C8orf34: variants seen among roughly 807,000 people sequenced by gnomAD.
C8orf34 encodes chromosome 8 open reading frame 34.
In C8orf34, 65 loss-of-function variants were observed where a neutral mutation model predicts 68.3. The ratio of observed to expected loss-of-function variants is 0.95; its 90% CI spans 0.78 to 1.17. The LOEUF (loss-of-function observed/expected upper bound fraction) is 1.17, where lower values mean the gene tolerates loss of function less well. Among genes scored for constraint, C8orf34 ranks in the 50% most tolerant of loss-of-function variants. C8orf34 has a pLI of 0.00. For missense variants in C8orf34, 664 were observed against 655.4 expected, an observed-to-expected ratio of 1.01 and a Z score of -0.14; for synonymous variants, 244 against 241.2, an observed-to-expected ratio of 1.01 and a Z score of -0.11.
chr8:68,435,208 A>G, intron 1 of C8orf34, among the ~76,000 whole-genome samples: 1 of 149,436 alleles, frequency 6.7e-6, no homozygotes, highest in South Asian at 2.1e-4. Flanking sequence ...ATATAAATAT[A>G]TGATATATAA....
intron 10 of C8orf34, among the ~76,000 whole-genome samples, chr8:68,737,565 G>A (rs1215776068): frequency 6.6e-6 from 1 of 151,788 alleles, no homozygotes; most frequent in Non-Finnish European, 1.5e-5. Flanking sequence ...CAAAATAAAG[G>A]CATGGAGAAA....
At chr8:68,388,209 C>T (rs1488837248) in intron 1 of C8orf34, among the ~76,000 whole-genome samples, 1 of 152,152 alleles carries the variant, frequency 6.6e-6, no homozygotes, top group Non-Finnish European at 1.5e-5. Context: ...AAATATTCTT[C>T]ACAAAGCCTG....
chr8:68,344,030 G>C (rs1375792433), intron 1 of C8orf34, among the ~76,000 whole-genome samples: 3 of 152,102 alleles, frequency 2.0e-5, no homozygotes, highest in African/African-American at 7.2e-5. Flanking sequence ...GTTTAAAGTA[G>C]ATATGCAACT....
At chr8:68,511,591 C>T (rs1327010965) in intron 5 of C8orf34, among the ~76,000 whole-genome samples, 7 of 151,908 alleles carry the variant, frequency 4.6e-5, no homozygotes, top group Non-Finnish European at 1.5e-5. Flanking sequence ...AAACTAGAGG[C>T]AAGGGGCGAA....
chr8:68,476,142 G>A (rs558334887), intron 4 of C8orf34, among the ~76,000 whole-genome samples: 1 of 152,192 alleles, frequency 6.6e-6, no homozygotes, highest in African/African-American at 2.4e-5. Context: ...GCAATTACTT[G>A]TTCATTCATT....
At chr8:68,441,080 A>T (rs2129626013) in intron 2 of C8orf34, among the ~76,000 whole-genome samples, 1 of 152,280 alleles carries the variant, frequency 6.6e-6, no homozygotes, top group African/African-American at 2.4e-5. Flanking sequence ...CTGGGATTAC[A>T]GGCATGAGCC....
intron 3 of C8orf34, chr8:68,446,809 A>G (rs1811144055): frequency 3.6e-6 from 1 of 277,540 alleles, no homozygotes; most frequent in Middle Eastern, 1.0e-3. Flanking sequence ...GTAAAAGCAA[A>G]TTAAATCTCT....
In C8orf34 at chr8:68,767,286, A is replaced by G. The variant is rs529877079; in HGVS notation, c.1405-9113A>G. 1.2e-4 allele frequency among the ~76,000 whole-genome samples: 19 copies of G among 152,332 alleles called. No homozygotes were observed. The East Asian group carries it at 3.7e-3, about 29-fold the overall frequency. ...ACAACCTCTACTTCCCACTGCAAAT[A>G]AAAACTATTCTTTTACAGAAATAAA... On this transcript the variant is annotated intron_variant, in intron 10 of 13. Coordinates refer to ENST00000518698, the MANE Select transcript of C8orf34 (RefSeq NM_052958.4).
intron 1 of C8orf34, among the ~76,000 whole-genome samples, chr8:68,402,061 A>G (rs889962153): frequency 2.6e-5 from 4 of 151,944 alleles, no homozygotes; most frequent in African/African-American, 4.8e-5. Context: ...TTGTTGTGGG[A>G]GATTTTTATT....
intron 7 of C8orf34, among the ~76,000 whole-genome samples, chr8:68,565,147 G>A (rs1816546866): frequency 6.6e-6 from 1 of 152,080 alleles, no homozygotes; most frequent in Non-Finnish European, 1.5e-5. Context: ...TTTATATCAT[G>A]TCTAACCCCT....
intron 4 of C8orf34, among the ~76,000 whole-genome samples, chr8:68,484,903 A>T (rs1428449319): frequency 6.6e-6 from 1 of 152,262 alleles, no homozygotes; most frequent in Non-Finnish European, 1.5e-5. Context: ...TTCTCAGGCA[A>T]AGTCATCAAA....
intron 6 of C8orf34, among the ~76,000 whole-genome samples, chr8:68,522,672 A>AT (rs531020622): frequency 3.2e-4 from 49 of 151,558 alleles, no homozygotes; most frequent in African/African-American, 4.8e-4. Context: ...ATTCAGAGTA[A>AT]TTTTTTTTTG....
Position 68,564,494 on chromosome 8 carries a change from C to G in C8orf34, c.1105+31345C>G, listed in dbSNP as rs1327653650. ...TATAATGAAGAACTGGATATTGCAC[C>G]CTTTTTGCATAAACTTCTTTGCTCC... On this transcript the variant is annotated intron_variant, in intron 7 of 13. Transcript: ENST00000518698. 5.3e-5 allele frequency among the ~76,000 whole-genome samples: 8 copies of G among 152,238 alleles called. No individual in the cohort carries two copies. The East Asian group carries it at 7.7e-4, about 15-fold the overall frequency.
At chr8:68,534,051 G>T (rs1432162089) in intron 7 of C8orf34, 1 of 983,140 alleles carries the variant, frequency 1.0e-6, no homozygotes, top group Non-Finnish European at 1.2e-6. Flanking sequence ...ATTTTCTGAA[G>T]TTTTTGTTAA....
intron 7 of C8orf34, among the ~76,000 whole-genome samples, chr8:68,565,105 CT>C (rs1297939352): frequency 6.6e-6 from 1 of 152,254 alleles, no homozygotes; most frequent in East Asian, 1.9e-4. Flanking sequence ...TCCTTAAGTT[CT>C]TTTTGAGTTT....
At chr8:68,466,972 T>C (rs1322795092) in intron 3 of C8orf34, among the ~76,000 whole-genome samples, 1 of 151,804 alleles carries the variant, frequency 6.6e-6, no homozygotes, top group African/African-American at 2.4e-5. Flanking sequence ...AACATAATGG[T>C]ACATGGTTTA....
chr8:68,387,363 G>A (rs375098557), intron 1 of C8orf34, among the ~76,000 whole-genome samples: 5 of 152,122 alleles, frequency 3.3e-5, no homozygotes, highest in East Asian at 1.9e-4. Flanking sequence ...GAGAAATGAT[G>A]ATGACCTAAC....
chr8:68,805,178 A>G (rs768947748), intron 12 of C8orf34, among the ~76,000 whole-genome samples: 1 of 152,232 alleles, frequency 6.6e-6, no homozygotes, highest in Non-Finnish European at 1.5e-5. Context: ...TTTTGTTGAA[A>G]GAACAAGCTC....
At chr8:68,396,363 A>T (rs896652286) in intron 1 of C8orf34, among the ~76,000 whole-genome samples, 2 of 152,166 alleles carry the variant, frequency 1.3e-5, no homozygotes, top group Non-Finnish European at 2.9e-5. Flanking sequence ...CTTGTACCAT[A>T]TGTAGCACAA....
Sources: gnomAD v4.1 joint callset for allele counts (sites outside exome capture counted in the v4.1 genomes callset) on GRCh38, gnomAD v4.1.1 for gene constraint, MANE v1.5 for transcripts, NCBI Gene and HGNC (gene_info 2026-07-23, HGNC 2026-07-21) for gene names.